The following ADIPOR1 variants were observed in gnomAD, a reference collection of about 807,000 sequenced individuals.
ADIPOR1 encodes adiponectin receptor protein 1.
ADIPOR1 carries 15 observed loss-of-function variants against 37.5 expected under a neutral mutation model. The ratio of observed to expected loss-of-function variants is 0.40; its 90% CI spans 0.27 to 0.62. The LOEUF (loss-of-function observed/expected upper bound fraction) is 0.62. Ranked by LOEUF, ADIPOR1 falls within the 20% of genes least tolerant of loss-of-function variation. ADIPOR1 has a pLI of 0.42. For synonymous variants in ADIPOR1, 173 were observed against 173.2 expected, an observed-to-expected ratio of 1.00 and a Z score of 0.01; for missense variants, 286 against 478.0, an observed-to-expected ratio of 0.60 and a Z score of 3.75.
intron 7 of ADIPOR1, 104 bp downstream of exon 7, chr1:202,941,920 TC>T: frequency 8.5e-6 from 11 of 1,290,036 alleles, no homozygotes; most frequent in Non-Finnish European, 9.6e-6. Context: ...TATATGTACC[TC>T]CAAACACTAT....
chr1:202,942,377 CAG>C (rs749665579), intron 6 of ADIPOR1, among the ~76,000 whole-genome samples, 159 bp from the exon 7 acceptor site: 34 of 152,346 alleles, frequency 2.2e-4, no homozygotes, highest in Non-Finnish European at 3.5e-4. Context: ...TAACACTCAA[CAG>C]ATATTTCTTC....
At chr1:202,957,961 G>A (rs1222366412) in intron 1 of ADIPOR1, among the ~76,000 whole-genome samples, 2 of 152,302 alleles carry the variant, frequency 1.3e-5, no homozygotes, top group East Asian at 3.9e-4. Flanking sequence ...CCGCACCTAG[G>A]CCGCCTCGGA....
chr1:202,952,145 A>G (rs760157205), intron 1 of ADIPOR1, among the ~76,000 whole-genome samples: 10 of 152,186 alleles, frequency 6.6e-5, no homozygotes, highest in Non-Finnish European at 8.8e-5. Flanking sequence ...AAAGATTTCC[A>G]CTATGCTGTA....
intron 6 of ADIPOR1, 45 bp downstream of exon 6, chr1:202,943,713 T>C (rs775398892): frequency 1.3e-6 from 2 of 1,589,644 alleles, no homozygotes; most frequent in South Asian, 2.2e-5. Context: ...CTATCAGGCC[T>C]AAGGTCTAAA....
chr1:202,955,929 C>A (rs1030653909), intron 1 of ADIPOR1, among the ~76,000 whole-genome samples: 2 of 152,232 alleles, frequency 1.3e-5, no homozygotes, highest in African/African-American at 4.8e-5. Context: ...GCACCTGCCA[C>A]CACATCCGGA....
chr1:202,943,257 C>G (rs1248138656), intron 6 of ADIPOR1, among the ~76,000 whole-genome samples: 1 of 152,130 alleles, frequency 6.6e-6, no homozygotes, highest in Non-Finnish European at 1.5e-5. Flanking sequence ...GGTGTTGCTG[C>G]AAGTAATAAA....
At chr1:202,954,918 G>A (rs1256966161) in intron 1 of ADIPOR1, among the ~76,000 whole-genome samples, 1 of 152,136 alleles carries the variant, frequency 6.6e-6, no homozygotes. Flanking sequence ...GTTTCTAAGA[G>A]TTTAGTTCCT....
chr1:202,952,591 T>C (rs928773409), intron 1 of ADIPOR1, among the ~76,000 whole-genome samples: 3 of 152,160 alleles, frequency 2.0e-5, no homozygotes. Context: ...ACACCCTTCT[T>C]TTCCTGCCCT....
intron 5 of ADIPOR1, 117 bp downstream of exon 5, chr1:202,944,866 T>C: frequency 9.9e-7 from 1 of 1,010,620 alleles, no homozygotes; most frequent in Non-Finnish European, 1.4e-6. Flanking sequence ...GAGCCTTTCC[T>C]CTGGCATATC....
intron 4 of ADIPOR1, among the ~76,000 whole-genome samples, chr1:202,945,889 A>G (rs1464880252): frequency 6.6e-6 from 1 of 152,156 alleles, no homozygotes; most frequent in Non-Finnish European, 1.5e-5. Flanking sequence ...GGGGTGTGAG[A>G]CAGAAAAACT....
At chr1:202,941,767 A>G (rs1654098299) in intron 7 of ADIPOR1, 66 bp from the exon 8 acceptor site, 2 of 1,550,920 alleles carry the variant, frequency 1.3e-6, no homozygotes, top group African/African-American at 1.4e-5. Flanking sequence ...AAGTAGGAGA[A>G]AGCATTTGCT....
intron 5 of ADIPOR1, 40 bp from the exon 6 acceptor site, chr1:202,943,985 A>T (rs1373367750): frequency 6.4e-7 from 1 of 1,556,438 alleles, no homozygotes; most frequent in Non-Finnish European, 8.8e-7. Context: ...CAGTGGGGGA[A>T]ATGAATTTGT....
At chr1:202,957,802 C>T (rs553173668) in intron 1 of ADIPOR1, among the ~76,000 whole-genome samples, 4 of 152,212 alleles carry the variant, frequency 2.6e-5, no homozygotes, top group African/African-American at 7.2e-5. Context: ...GCAGCCCTCC[C>T]TCCCCACGCG....
rs1339640920 is a variant in ADIPOR1 at position 202,948,255 on chromosome 1, A to G, written c.258+49T>C. ...AGCTTGCTGGCTGGGGACATCCCAG[A>G]CAGGCCTGCTGCCCTTCCCCTTCCA... On this transcript the variant is annotated intron_variant, in intron 3 of 7. Coordinates refer to ENST00000340990, the MANE Select transcript of ADIPOR1 (RefSeq NM_015999.6). 11 of 1,448,272 alleles carry G rather than the reference A, an allele frequency of 7.6e-6. No homozygotes were observed. In the African/African-American group the frequency reaches 1.6e-4, roughly 21 times the overall value. 89.7% of individuals were successfully genotyped at this position (1,448,272 alleles called of 1,614,324 possible). A position where few individuals can be genotyped will look rare whatever the true frequency, so the allele number is the denominator to read the frequency against.
At chr1:202,944,413 G>A (rs1654222788) in intron 5 of ADIPOR1, 1 of 154,336 alleles carries the variant, frequency 6.5e-6, no homozygotes, top group African/African-American at 2.4e-5. Context: ...CCTTCTTACT[G>A]GTGTTGTTAG....
intron 4 of ADIPOR1, 132 bp from the exon 5 acceptor site, chr1:202,945,301 A>G: frequency 1.1e-6 from 1 of 872,612 alleles, no homozygotes; most frequent in Non-Finnish European, 1.7e-6. Flanking sequence ...TAAAAGCACA[A>G]TGAAATACCA....
At chr1:202,943,562 G>A (rs1272045917) in intron 6 of ADIPOR1, among the ~76,000 whole-genome samples, 196 bp downstream of exon 6, 2 of 152,114 alleles carry the variant, frequency 1.3e-5, no homozygotes, top group Admixed American at 6.6e-5. Flanking sequence ...CTGTCCTATT[G>A]GCATTCTACT....
At chr1:202,950,843 G>C in intron 2 of ADIPOR1, 87 bp downstream of exon 2, 1 of 1,544,590 alleles carries the variant, frequency 6.5e-7, no homozygotes, top group Non-Finnish European at 8.9e-7. Flanking sequence ...TCCTCCTTTT[G>C]GACGGTGAGC....
chr1:202,951,246 G>A, intron 1 of ADIPOR1, 82 bp from the exon 2 acceptor site: 1 of 695,116 alleles, frequency 1.4e-6, no homozygotes, highest in Non-Finnish European at 2.3e-6. Flanking sequence ...TGAATAAGAA[G>A]CTAATCAACT....
Sources: allele counts gnomAD v4.1 joint callset (sites outside exome capture counted in the v4.1 genomes callset), GRCh38; gene constraint gnomAD v4.1.1; transcripts MANE v1.5; gene names NCBI Gene and HGNC (gene_info 2026-07-23, HGNC 2026-07-21).